ANGPT1: variants seen among roughly 807,000 people sequenced by gnomAD.
ANGPT1 encodes angiopoietin 1, also known as angiopoietin-1.
In ANGPT1, 17 loss-of-function variants were observed where a neutral mutation model predicts 62.2. The observed-to-expected ratio is 0.27, with a 90% CI of 0.19 to 0.41. ANGPT1 has a LOEUF of 0.41. Among genes scored for constraint, ANGPT1 ranks in the 10% least tolerant of loss-of-function variants. The pLI is 1.00. For synonymous variants in ANGPT1, 199 were observed against 198.9 expected (o/e 1.00, Z 0.00); for missense variants, 478 against 594.9 (o/e 0.80, Z 2.04).
chr8:107,371,021 A>T (rs902555273), intron 1 of ANGPT1, among the ~76,000 whole-genome samples: 10 of 152,192 alleles, frequency 6.6e-5, no homozygotes, highest in African/African-American at 2.2e-4. Context: ...GAAGTGAAAT[A>T]AAACAAGGTA....
chr8:107,358,153 G>T (rs182684154), intron 1 of ANGPT1, among the ~76,000 whole-genome samples: 6 of 152,264 alleles, frequency 3.9e-5, no homozygotes, highest in Non-Finnish European at 8.8e-5. Context: ...CATATAGTAA[G>T]TTTGTACAGG....
intron 1 of ANGPT1, among the ~76,000 whole-genome samples, chr8:107,455,360 A>G (rs190448735): frequency 6.6e-6 from 1 of 152,194 alleles, no homozygotes; most frequent in Non-Finnish European, 1.5e-5. Flanking sequence ...TACATATTAA[A>G]CTATTAAGTG....
chr8:107,423,090 T>C (rs892319259), intron 1 of ANGPT1, among the ~76,000 whole-genome samples: 10 of 152,182 alleles, frequency 6.6e-5, no homozygotes, highest in African/African-American at 2.4e-4. Context: ...AAGAGCTGTA[T>C]GTGCACATCT....
At chr8:107,314,987 A>G (rs1814980342) in intron 4 of ANGPT1, among the ~76,000 whole-genome samples, 1 of 152,192 alleles carries the variant, frequency 6.6e-6, no homozygotes, top group Non-Finnish European at 1.5e-5. Flanking sequence ...CAGACACAAC[A>G]TGGGAGGTAA....
chr8:107,331,706 T>C (rs1457428532), intron 3 of ANGPT1, among the ~76,000 whole-genome samples: 2 of 152,164 alleles, frequency 1.3e-5, no homozygotes, highest in Non-Finnish European at 2.9e-5. Flanking sequence ...TTAAAGCACC[T>C]GGCACAGATG....
At chr8:107,481,765 G>A (rs1268135132) in intron 1 of ANGPT1, among the ~76,000 whole-genome samples, 2 of 152,114 alleles carry the variant, frequency 1.3e-5, no homozygotes, top group African/African-American at 4.8e-5. Context: ...AGTCCCGAGC[G>A]AAGGGGGAAG....
chr8:107,313,447 T>TG (rs1814930797), intron 4 of ANGPT1, among the ~76,000 whole-genome samples: 1 of 131,692 alleles, frequency 7.6e-6, no homozygotes, highest in Non-Finnish European at 1.6e-5. Flanking sequence ...TTTTTTTTTT[T>TG]TTTTTTTTTT....
chr8:107,356,794 C>A (rs1381686777), intron 1 of ANGPT1, among the ~76,000 whole-genome samples: 2 of 152,116 alleles, frequency 1.3e-5, no homozygotes, highest in African/African-American at 4.8e-5. Context: ...AACAGCATAC[C>A]ATTAATGCCA....
At chr8:107,423,109 C>T (rs1197409939) in intron 1 of ANGPT1, among the ~76,000 whole-genome samples, 1 of 152,192 alleles carries the variant, frequency 6.6e-6, no homozygotes, top group African/African-American at 2.4e-5. Context: ...CTCTTCACAA[C>T]TCTGCATTCA....
Position 107,347,116 on chromosome 8 carries a change from A to G in ANGPT1, c.298-19T>C. On this transcript the variant is annotated intron_variant, in intron 1 of 8. Transcript: ENST00000517746. ...TCTCAAGCTGCAAGAGATAAAGAACAAAACATATTACATTATAAGCAAGGC... is the reference window on the plus strand; with the variant it reads ...TCTCAAGCTGCAAGAGATAAAGAACGAAACATATTACATTATAAGCAAGGC... The G allele has an allele frequency of 6.2e-7, 1 of 1,607,592 alleles. No individual in the cohort carries two copies. The highest frequency in any genetic ancestry group is 2.2e-5 in the East Asian group (1 of 44,792).
chr8:107,412,709 C>T (rs567697277), intron 1 of ANGPT1, among the ~76,000 whole-genome samples: 6 of 152,068 alleles, frequency 3.9e-5, no homozygotes, highest in Non-Finnish European at 8.8e-5. Flanking sequence ...GTGAAATATA[C>T]ACTTGAAAGA....
At chr8:107,452,315 C>A (rs1811798599) in intron 1 of ANGPT1, among the ~76,000 whole-genome samples, 1 of 151,474 alleles carries the variant, frequency 6.6e-6, no homozygotes, top group East Asian at 1.9e-4. Context: ...ACGGAGAGAC[C>A]ATGGACCATC....
At chr8:107,274,671 C>T (rs2130086333) in intron 7 of ANGPT1, among the ~76,000 whole-genome samples, 1 of 152,058 alleles carries the variant, frequency 6.6e-6, no homozygotes, top group Admixed American at 6.6e-5. Context: ...TACCATAAAC[C>T]TTTGGAGGCA....
intron 4 of ANGPT1, among the ~76,000 whole-genome samples, chr8:107,308,974 G>A (rs1310873896): frequency 6.6e-6 from 1 of 152,092 alleles, no homozygotes; most frequent in Non-Finnish European, 1.5e-5. Context: ...TGAAATCTAA[G>A]GCAGAGGGTC....
intron 1 of ANGPT1, among the ~76,000 whole-genome samples, chr8:107,376,021 T>C (rs1016986464): frequency 6.6e-6 from 1 of 152,240 alleles, no homozygotes; most frequent in African/African-American, 2.4e-5. Context: ...TCAGGTACTA[T>C]TTCTGTTCTT....
chr8:107,453,492 C>G (rs1281392732), intron 1 of ANGPT1, among the ~76,000 whole-genome samples: 2 of 151,758 alleles, frequency 1.3e-5, no homozygotes, highest in African/African-American at 4.8e-5. Context: ...GGGAAACTCC[C>G]CCTTATAAAA....
At chr8:107,367,584 G>C (rs2130230136) in intron 1 of ANGPT1, among the ~76,000 whole-genome samples, 1 of 152,234 alleles carries the variant, frequency 6.6e-6, no homozygotes, top group South Asian at 2.1e-4. Flanking sequence ...CACTCACTCT[G>C]GGGAAAGTTA....
At chr8:107,399,001 C>A (rs563735916) in intron 1 of ANGPT1, among the ~76,000 whole-genome samples, 1 of 152,050 alleles carries the variant, frequency 6.6e-6, no homozygotes. Context: ...GTGTTTAAAC[C>A]AAGCAAACAA....
chr8:107,397,905 T>C (rs1303529644), intron 1 of ANGPT1, among the ~76,000 whole-genome samples: 1 of 152,192 alleles, frequency 6.6e-6, no homozygotes, highest in African/African-American at 2.4e-5. Flanking sequence ...ACCTACTTGT[T>C]CATACACGGA....
Sources: gnomAD v4.1 joint callset for allele counts (sites outside exome capture counted in the v4.1 genomes callset) on GRCh38, gnomAD v4.1.1 for gene constraint, MANE v1.5 for transcripts, NCBI Gene and HGNC (gene_info 2026-07-23, HGNC 2026-07-21) for gene names.